Variants in SRRM3 observed in about 807,000 individuals in gnomAD.
SRRM3 encodes the protein serine/arginine repetitive matrix 3.
In SRRM3, 27 loss-of-function variants were observed where a neutral mutation model predicts 66.2. The ratio of observed to expected loss-of-function variants is 0.41; its 90% confidence interval spans 0.30 to 0.56. The LOEUF is 0.56. Among genes scored for constraint, SRRM3 ranks in the 20% least tolerant of loss-of-function variants. SRRM3 has a pLI of 0.32. For missense variants in SRRM3, 918 were observed against 991.9 expected, an observed-to-expected ratio of 0.93 and a Z score of 1.00; for synonymous variants, 391 against 414.9, an observed-to-expected ratio of 0.94 and a Z score of 0.70.
intron 14 of SRRM3, 48 bp downstream of exon 14, chr7:76,283,149 A>G: frequency 7.5e-7 from 1 of 1,332,808 alleles, no homozygotes. Context: ...GGGGCCGCTG[A>G]CCCGGATCAG....
chr7:76,261,429 C>A lies in SRRM3; in HGVS notation c.638+15C>A. On this transcript the variant is annotated intron_variant, in intron 7 of 14. Coordinates refer to ENST00000611745, the MANE Select transcript of SRRM3 (RefSeq NM_001110199.3). ...CGCCGAGACAGGTACCCTTGCTGCCCCCACCCTGGGGCCTCCTCTTCCTCC... is the reference window on the plus strand; with the variant it reads ...CGCCGAGACAGGTACCCTTGCTGCCACCACCCTGGGGCCTCCTCTTCCTCC... 6.2e-7 allele frequency: 1 copy of A among 1,604,920 alleles called. No homozygotes were observed. Among genetic ancestry groups the A allele is most frequent in the Non-Finnish European group, 8.5e-7 (1 of 1,175,858 alleles).
intron 1 of SRRM3, among the ~76,000 whole-genome samples, chr7:76,234,196 T>TGC (rs782103212): frequency 6.9e-6 from 1 of 144,442 alleles, no homozygotes; most frequent in African/African-American, 2.5e-5. Context: ...GTCCTTGGAG[T>TGC]GTGTGTGTGT....
At chr7:76,246,441 G>A (rs1194906658) in intron 2 of SRRM3, among the ~76,000 whole-genome samples, 11 of 152,210 alleles carry the variant, frequency 7.2e-5, no homozygotes, top group Admixed American at 5.9e-4. Context: ...GCAGGCTCCT[G>A]TAATCCCAGC....
chr7:76,236,601 G>A (rs184541143), intron 2 of SRRM3, among the ~76,000 whole-genome samples: 1 of 152,216 alleles, frequency 6.6e-6, no homozygotes, highest in African/African-American at 2.4e-5. Flanking sequence ...CCCAGGCTTA[G>A]GCAGAGACAG....
chr7:76,274,577 A>T (rs1319568995), intron 11 of SRRM3, among the ~76,000 whole-genome samples: 3 of 152,222 alleles, frequency 2.0e-5, no homozygotes, highest in Admixed American at 6.5e-5. Flanking sequence ...GAATTTGAGC[A>T]GCTTAATGTG....
intron 11 of SRRM3, among the ~76,000 whole-genome samples, chr7:76,278,980 C>T (rs782486651): frequency 6.6e-6 from 1 of 152,110 alleles, no homozygotes; most frequent in African/African-American, 2.4e-5. Flanking sequence ...TGGCCGGGCT[C>T]GGTGGCTCTC....
intron 10 of SRRM3, among the ~76,000 whole-genome samples, chr7:76,266,633 T>G (rs1449552147): frequency 4.7e-4 from 61 of 130,778 alleles, no homozygotes; most frequent in African/African-American, 1.7e-3. Context: ...AATATATATT[T>G]AATATATTTA....
chr7:76,280,114 C>T (rs1554611628), intron 11 of SRRM3, among the ~76,000 whole-genome samples: 3 of 138,544 alleles, frequency 2.2e-5, no homozygotes, highest in Non-Finnish European at 3.1e-5. Context: ...AAAATCAGAA[C>T]TTAAAAAAAA....
At chr7:76,251,769 T>TA (rs1212672693) in intron 3 of SRRM3, among the ~76,000 whole-genome samples, 112 of 146,458 alleles carry the variant, frequency 7.6e-4, no homozygotes, top group African/African-American at 2.0e-3. Context: ...CATCTCTATT[T>TA]AAAAAAAAAA....
intron 3 of SRRM3, among the ~76,000 whole-genome samples, chr7:76,249,156 T>C (rs1451594170): frequency 6.6e-6 from 1 of 151,336 alleles, no homozygotes; most frequent in Admixed American, 6.6e-5. Context: ...GAGGCCAAGG[T>C]GGGAGGATTG....
At chr7:76,283,867 C>G in intron 14 of SRRM3, 1 of 984,044 alleles carries the variant, frequency 1.0e-6, no homozygotes, top group Non-Finnish European at 1.2e-6. Context: ...GGAAATCACC[C>G]TGAAGCCCTA....
intron 3 of SRRM3, among the ~76,000 whole-genome samples, chr7:76,248,791 C>A (rs1801502722): frequency 6.6e-6 from 1 of 152,074 alleles, no homozygotes; most frequent in African/African-American, 2.4e-5. Context: ...CCAGCCTTGG[C>A]CAACACGTCG....
intron 11 of SRRM3, among the ~76,000 whole-genome samples, chr7:76,275,708 G>A (rs782431632): frequency 3.9e-5 from 6 of 152,016 alleles, no homozygotes; most frequent in Non-Finnish European, 7.4e-5. Flanking sequence ...GTCCTTCAGA[G>A]TACCAGGACC....
At chr7:76,215,406 T>A (rs1460992559) in intron 1 of SRRM3, among the ~76,000 whole-genome samples, 4 of 146,220 alleles carry the variant, frequency 2.7e-5, no homozygotes, top group Non-Finnish European at 6.0e-5. Flanking sequence ...TTTTTTTTTT[T>A]TTTTTTTTTT....
chr7:76,249,461 C>T (rs1554606635), intron 3 of SRRM3, among the ~76,000 whole-genome samples: 1 of 152,062 alleles, frequency 6.6e-6, no homozygotes, highest in African/African-American at 2.4e-5. Flanking sequence ...ACCGGTTTGC[C>T]GTGGGCCTCT....
At chr7:76,282,236 C>T (rs781893530) in intron 12 of SRRM3, among the ~76,000 whole-genome samples, 1 of 134,694 alleles carries the variant, frequency 7.4e-6, no homozygotes, top group Non-Finnish European at 1.6e-5. Context: ...AGCCCCCCGA[C>T]GGAGTTCTCC....
Position 76,260,247 on chromosome 7 carries a change from C to T in SRRM3, c.545+50C>T, listed in dbSNP as rs548501426. Reference sequence around the variant, plus strand: ...GGGAAGGGAGGAGGAGGTGGGGTCTCTCCCCGGATGCCCGTCCCTGGCTCA... The same window carrying T: ...GGGAAGGGAGGAGGAGGTGGGGTCTTTCCCCGGATGCCCGTCCCTGGCTCA... On this transcript the variant is annotated intron_variant, in intron 5 of 14. Coordinates refer to ENST00000611745, the MANE Select transcript of SRRM3 (RefSeq NM_001110199.3). The T allele has an allele frequency of 6.4e-6, 9 of 1,406,684 alleles. No homozygotes were observed. In the Admixed American group the frequency reaches 1.0e-4, roughly 16 times the overall value. The allele number at this position is 1,406,684 out of a possible 1,614,324, so 87.1% of individuals were successfully genotyped here.
rs1230878799 is a variant in SRRM3 at position 76,248,420 on chromosome 7, A to G, written c.335+131A>G. 1.2e-5 allele frequency: 8 copies of G among 644,016 alleles called. No homozygotes were observed. In the East Asian group the frequency reaches 1.9e-4, roughly 15 times the overall value. 39.9% of individuals were successfully genotyped at this position (644,016 alleles called of 1,614,324 possible). On this transcript the variant is annotated intron_variant, in intron 3 of 14. Transcript: ENST00000611745. ...GTGAGGGGGTGGAGAGGAAGAAGAT[A>G]AGGAGAAGGAGAGGAGAGCATGGTC...
At chr7:76,265,828 TTATATATATATATA>T (rs1167434051) in intron 10 of SRRM3, among the ~76,000 whole-genome samples, 5 of 25,578 alleles carry the variant, frequency 2.0e-4, no homozygotes, top group Non-Finnish European at 2.5e-4. Context: ...TAATAAATAT[TTATATATATATATA>T]TATATATATA....
Sources: allele counts gnomAD v4.1 joint callset (sites outside exome capture counted in the v4.1 genomes callset), GRCh38; gene constraint gnomAD v4.1.1; transcripts MANE v1.5; gene names NCBI Gene and HGNC (gene_info 2026-07-23, HGNC 2026-07-21).